SARS2: variants seen among roughly 807,000 people sequenced by gnomAD.
SARS2 encodes serine--tRNA ligase, mitochondrial.
Under a neutral mutation model 66.8 loss-of-function variants are expected in SARS2, and 52 were observed. The observed-to-expected ratio is 0.78, with a 90% CI of 0.62 to 0.98. The LOEUF (loss-of-function observed/expected upper bound fraction) is 0.98. Among genes scored for constraint, SARS2 ranks in the 50% least tolerant of loss-of-function variants. SARS2 has a pLI of 0.00. For missense variants in SARS2, 673 were observed against 706.3 expected (o/e 0.95, Z 0.53); for synonymous variants, 306 against 281.4 (o/e 1.09, Z -0.87).
Position 38,918,131 on chromosome 19 carries a change from T to C in SARS2, c.925A>G (p.Met309Val). The C allele has an allele frequency of 6.3e-7, 1 of 1,597,966 alleles. No individual in the cohort carries two copies. The highest frequency in any genetic ancestry group is 8.5e-7 in the Non-Finnish European group (1 of 1,172,674). ...TAEVGLAGYF[M>V]DHTVAFRDLP... ...TCCCTGAAGGCCACGGTGTGGTCCA[T>C]GAAGTAGCCTGGGAGGAGAGACCAC... The change falls in exon 10 of 16, where the codon ATG becomes GTG. Residue 309 changes from methionine (M) to valine (V), a missense_variant. By Grantham distance (21) the Met-to-Val change is conservative. Transcript: ENST00000221431.
At position 38,918,811 on chromosome 19, in the gene SARS2, G is replaced by A. The variant is rs764866319; in HGVS notation, c.762C>T (p.Gly254=). 14 of 1,559,882 alleles carry A rather than the reference G, an allele frequency of 9.0e-6. No individual in the cohort carries two copies. Among genetic ancestry groups the A allele is most frequent in the Admixed American group, 1.9e-5 (1 of 51,298 alleles). The stretch of plus-strand genomic sequence containing the variant: ...GGTCTGGCACCGTCATGGGGGTGAA[G>A]CCCTGTTCAGGGGAGAGGATGAGTG... The part of the protein sequence containing the change: ...NFTFNKLLRR[G]FTPMTVPDLL... Residue 254 remains glycine, a splice_region_variant and synonymous_variant, in exon 8 of 16, where the codon GGC becomes GGT. Transcript: ENST00000221431.
rs760460382 is a variant in SARS2 at position 38,915,900 on chromosome 19, C to G, written c.1354G>C (p.Ala452Pro). ...AGGCGGGGGACAGCACAGGCGGTGG[C>G]GTTCACCTGTGAGACAGCCATGCTC... ...GELQFAHTVN[A>P]TACAVPRLLI... Residue 452 changes from alanine to proline, a missense_variant, in exon 15 of 16, where the codon GCC becomes CCC. Coordinates refer to ENST00000221431, the MANE Select transcript of SARS2 (RefSeq NM_017827.4). The G allele has an allele frequency of 1.9e-6, 3 of 1,613,756 alleles. No homozygotes were observed. In the Admixed American group the frequency reaches 5.0e-5, roughly 27 times the overall value.
In SARS2 at chr19:38,930,476, G is replaced by C. The variant is rs1424318112; in HGVS notation, c.261C>G (p.Pro87=). ...CCGGCGCAGGCGCACTCACGATCGC[G>C]GGCAGGTCCGCCGAGCGCAGCTCCC... ...RKGELRSADL[P]AIISTWQELR... The change falls in exon 1 of 16, where the codon CCC becomes CCG. Residue 87 remains proline (P), a synonymous_variant. Transcript: ENST00000221431. The C allele has an allele frequency of 1.3e-6, 2 of 1,596,612 alleles. No individual in the cohort carries two copies. Among genetic ancestry groups the C allele is most frequent in the East Asian group, 2.2e-5 (1 of 44,468 alleles).
In SARS2 at chr19:38,918,775, T is replaced by A. The variant is rs368271481; in HGVS notation, c.798A>T (p.Gly266=). ...TPMTVPDLLR[G]AVFEGCGMTP... ...GAGAGGCCTCACTCACAAACACTGC[T>A]CCGCGGAGAAGGTCTGGCACCGTCA... Residue 266 remains glycine (G), a synonymous_variant, in exon 8 of 16, where the codon GGA becomes GGT. Transcript: ENST00000221431. The A allele has an allele frequency of 1.3e-6, 2 of 1,560,678 alleles. No individual in the cohort carries two copies. The highest frequency in any genetic ancestry group is 2.7e-5 in the African/African-American group (2 of 73,998).
intron 6 of SARS2, 102 bp from the exon 7 acceptor site, chr19:38,919,969 G>C (rs1600165870): frequency 1.5e-6 from 2 of 1,361,786 alleles, no homozygotes; most frequent in Non-Finnish European, 2.1e-6. Flanking sequence ...GGTGGGGCTG[G>C]GGCATCAAAG....
At position 38,917,908 on chromosome 19, in the gene SARS2, C is replaced by T. The variant is rs745902599; in HGVS notation, c.1050+13G>A. On this transcript the variant is annotated intron_variant, in intron 11 of 15. Coordinates refer to ENST00000221431, the MANE Select transcript of SARS2 (RefSeq NM_017827.4). The stretch of plus-strand genomic sequence containing the variant: ...CCCCCACCCCAGCCCCGTTTAGTCC[C>T]AGCGACACCAGCCTTGGTGAAGTGG... 4 of 1,612,862 alleles carry T rather than the reference C, an allele frequency of 2.5e-6. No homozygotes were observed. The highest frequency in any genetic ancestry group is 3.3e-5 in the Admixed American group (2 of 59,752).
At chr19:38,919,091 CCA>C (rs1205308846) in intron 7 of SARS2, among the ~76,000 whole-genome samples, 1 of 151,954 alleles carries the variant, frequency 6.6e-6, no homozygotes, top group Non-Finnish European at 1.5e-5. Flanking sequence ...CTACTGCACT[CCA>C]GTCTGGGTGA....
intron 12 of SARS2, among the ~76,000 whole-genome samples, chr19:38,916,590 A>C (rs894944259): frequency 1.4e-5 from 2 of 147,662 alleles, no homozygotes; most frequent in South Asian, 4.4e-4. Context: ...ATGGGAGGGG[A>C]AAAAGGCACG....
intron 3 of SARS2, 155 bp downstream of exon 3, chr19:38,922,083 A>G (rs1974546953): frequency 1.9e-6 from 3 of 1,594,344 alleles, no homozygotes; most frequent in Non-Finnish European, 2.6e-6. Context: ...CCGCACCTGA[A>G]GCCAGTTTTA....
intron 1 of SARS2, among the ~76,000 whole-genome samples, chr19:38,928,115 A>G (rs1974660302): frequency 6.6e-6 from 1 of 151,956 alleles, no homozygotes; most frequent in Admixed American, 6.6e-5. Flanking sequence ...GCAGTGGCTC[A>G]TGCCTGTAAT....
chr19:38,916,419 G>T (rs977336800), intron 12 of SARS2, 105 bp from the exon 13 acceptor site: 29 of 1,039,910 alleles, frequency 2.8e-5, no homozygotes, highest in Non-Finnish European at 3.9e-5. Flanking sequence ...GCAGGAAAAA[G>T]CCCAGGAGTT....
At chr19:38,924,799 T>G (rs1432836382) in intron 2 of SARS2, among the ~76,000 whole-genome samples, 1 of 152,132 alleles carries the variant, frequency 6.6e-6, no homozygotes, top group African/African-American at 2.4e-5. Flanking sequence ...CGTACCCCCA[T>G]ACCCGGCCAT....
At chr19:38,919,921 G>A (rs1974488493) in intron 6 of SARS2, 54 bp from the exon 7 acceptor site, 1 of 1,537,196 alleles carries the variant, frequency 6.5e-7, no homozygotes, top group Non-Finnish European at 9.0e-7. Context: ...CAGGGAATGT[G>A]GGGATGAAAA....
chr19:38,926,505 G>A (rs984486561), intron 1 of SARS2, among the ~76,000 whole-genome samples: 4 of 152,202 alleles, frequency 2.6e-5, no homozygotes, highest in South Asian at 2.1e-4. Context: ...AGACACACTG[G>A]CCGAGCATAG....
intron 1 of SARS2, among the ~76,000 whole-genome samples, chr19:38,927,969 A>T (rs1974657733): frequency 6.6e-6 from 1 of 152,148 alleles, no homozygotes; most frequent in Admixed American, 6.5e-5. Flanking sequence ...GGAGGTAGAG[A>T]TTGCAGTGAG....
At position 38,930,698 on chromosome 19, in the gene SARS2, C is replaced by A; in HGVS notation, c.39G>T (p.Leu13=). The A allele has an allele frequency of 6.2e-7, 1 of 1,613,858 alleles. No homozygotes were observed. The highest frequency in any genetic ancestry group is 1.6e-4 in the Middle Eastern group (1 of 6,062). ...ASMARRLWPL[L]TRRGFRPRGG... ...CCCGGGGCCGGAACCCCCGACGAGT[C>A]AGCAAAGGCCACAAGCGCCGCGCCA... Residue 13 remains leucine (L), a synonymous_variant, in exon 1 of 16, where the codon CTG becomes CTT. Transcript: ENST00000221431.
intron 1 of SARS2, among the ~76,000 whole-genome samples, chr19:38,926,968 A>G (rs1376463647): frequency 7.4e-6 from 1 of 134,748 alleles, no homozygotes; most frequent in Non-Finnish European, 1.6e-5. Flanking sequence ...ACAGAGTCTC[A>G]CTCTGTCACC....
chr19:38,919,165 T>C lies in SARS2; in HGVS notation c.760-352A>G, dbSNP rs143120174. Among the ~76,000 whole-genome samples, 862 of 151,512 alleles carry C rather than the reference T, an allele frequency of 5.7e-3. 7 individuals carry two copies. The highest frequency in any genetic ancestry group is 0.017 in the Middle Eastern group (5 of 292). On this transcript the variant is annotated intron_variant, in intron 7 of 15. Transcript: ENST00000221431. ...TAGCCAGCATGGTGGCATGTGCCTG[T>C]AATCCCAGCTACTCAGGAGGCTGAG...
chr19:38,928,620 TGTGACGCTCTAAATTATCTACA>T (rs2144783586), intron 1 of SARS2, among the ~76,000 whole-genome samples: 1 of 152,308 alleles, frequency 6.6e-6, no homozygotes, highest in African/African-American at 2.4e-5. Context: ...TGCTAAAGGA[TGTGACGCTCTAAATTATCTACA>T]TGGCCATCAA....
Sources: gnomAD v4.1 joint callset for allele counts (sites outside exome capture counted in the v4.1 genomes callset) on GRCh38, gnomAD v4.1.1 for gene constraint, MANE v1.5 for transcripts, NCBI Gene and HGNC (gene_info 2026-07-23, HGNC 2026-07-21) for gene names.